GARNL3: variants seen among roughly 807,000 people sequenced by gnomAD.
GARNL3 encodes GTPase-activating Rap/Ran-GAP domain-like protein 3.
Under a neutral mutation model 125.0 loss-of-function variants are expected in GARNL3, and 63 were observed. The ratio of observed to expected loss-of-function variants is 0.50; its 90% CI spans 0.41 to 0.62. The LOEUF (loss-of-function observed/expected upper bound fraction) is 0.62, where lower values mean the gene tolerates loss of function less well. GARNL3 is among the 20% of genes least tolerant of loss of function. The pLI, the probability that GARNL3 is intolerant of heterozygous loss-of-function variation, is 0.00. For synonymous variants in GARNL3, 439 were observed against 457.5 expected, an observed-to-expected ratio of 0.96 and a Z score of 0.52; for missense variants, 994 against 1,244.0, an observed-to-expected ratio of 0.80 and a Z score of 3.02.
At chr9:127,369,712 C>T (rs945149659) in intron 22 of GARNL3, among the ~76,000 whole-genome samples, 1 of 152,172 alleles carries the variant, frequency 6.6e-6, no homozygotes, top group African/African-American at 2.4e-5. Context: ...AGAAAGCAGA[C>T]TGGGAGCACA....
chr9:127,299,985 T>A (rs1335013509), intron 2 of GARNL3: 1 of 204,068 alleles, frequency 4.9e-6, no homozygotes, highest in African/African-American at 2.3e-5. Context: ...ATTACAGGCA[T>A]GAGCCACCAT....
intron 20 of GARNL3, chr9:127,356,323 T>A (rs1192678244): frequency 2.0e-5 from 3 of 152,202 alleles, no homozygotes; most frequent in African/African-American, 7.2e-5. Context: ...GCTTTCCTGC[T>A]TGCCTCAGTC....
At chr9:127,358,641 C>A (rs117217929) in intron 21 of GARNL3, among the ~76,000 whole-genome samples, 502 of 152,248 alleles carry the variant, frequency 3.3e-3, no homozygotes, top group Middle Eastern at 0.014. Context: ...GATTAGGAGA[C>A]CTTCTTGTCT....
chr9:127,281,240 G>A (rs1183271461), intron 1 of GARNL3, among the ~76,000 whole-genome samples: 2 of 152,112 alleles, frequency 1.3e-5, no homozygotes, highest in Non-Finnish European at 2.9e-5. Flanking sequence ...AGGAGAGGAT[G>A]CTGTTGGAGT....
intron 5 of GARNL3, among the ~76,000 whole-genome samples, chr9:127,319,234 C>T (rs1198565837): frequency 6.6e-6 from 1 of 152,178 alleles, no homozygotes; most frequent in Non-Finnish European, 1.5e-5. Context: ...CCTGTAATCT[C>T]AGCACTTTGG....
intron 1 of GARNL3, among the ~76,000 whole-genome samples, chr9:127,285,722 T>C (rs1356801347): frequency 6.6e-6 from 1 of 152,210 alleles, no homozygotes; most frequent in African/African-American, 2.4e-5. Flanking sequence ...ATTTTGGAGA[T>C]GGGTGGTTCT....
chr9:127,231,040 A>ATTTTTTT (rs1376359454), intron 1 of GARNL3, among the ~76,000 whole-genome samples: 2 of 46,362 alleles, frequency 4.3e-5, no homozygotes, highest in Non-Finnish European at 3.8e-5. Flanking sequence ...ATATACATAT[A>ATTTTTTT]TATATATATA....
chr9:127,275,035 C>T (rs1232152053), intron 1 of GARNL3, among the ~76,000 whole-genome samples: 1 of 152,182 alleles, frequency 6.6e-6, no homozygotes, highest in Non-Finnish European at 1.5e-5. Flanking sequence ...AGACCAGGCT[C>T]AGCAGTGTGC....
intron 2 of GARNL3, among the ~76,000 whole-genome samples, chr9:127,254,049 G>T (rs1429569296): frequency 3.3e-5 from 5 of 152,166 alleles, no homozygotes; most frequent in Non-Finnish European, 7.3e-5. Flanking sequence ...TTGTAGAAAA[G>T]ATACCTTTCA....
chr9:127,351,024 A>G (rs148600402), intron 17 of GARNL3, among the ~76,000 whole-genome samples: 1 of 152,216 alleles, frequency 6.6e-6, no homozygotes, highest in African/African-American at 2.4e-5. Flanking sequence ...ACTACATTAT[A>G]TTAAACTCTA....
At chr9:127,338,500 T>A (rs1829675731) in intron 12 of GARNL3, among the ~76,000 whole-genome samples, 1 of 152,254 alleles carries the variant, frequency 6.6e-6, no homozygotes, top group African/African-American at 2.4e-5. Flanking sequence ...AAAGGTATTA[T>A]GTTGTAAAAA....
chr9:127,292,830 G>A (rs1015453900), intron 2 of GARNL3, among the ~76,000 whole-genome samples: 1 of 152,204 alleles, frequency 6.6e-6, no homozygotes, highest in Non-Finnish European at 1.5e-5. Flanking sequence ...ATCAGGAGTG[G>A]CTTAAGAGTC....
intron 4 of GARNL3, 122 bp downstream of exon 4, chr9:127,313,681 CCT>C: frequency 1.3e-6 from 1 of 742,670 alleles, no homozygotes; most frequent in Non-Finnish European, 2.4e-6. Context: ...TCGTGATTCA[CCT>C]CTGAGAAGTT....
intron 2 of GARNL3, among the ~76,000 whole-genome samples, chr9:127,304,530 C>CTTTTTTTTTT (rs61493807): frequency 1.9e-4 from 19 of 99,214 alleles, no homozygotes; most frequent in African/African-American, 3.8e-4. Context: ...TGGCTTTATT[C>CTTTTTTTTTT]TTTTTTTTTT....
At chr9:127,323,229 C>T (rs1486540261) in intron 6 of GARNL3, among the ~76,000 whole-genome samples, 1 of 152,016 alleles carries the variant, frequency 6.6e-6, no homozygotes, top group African/African-American at 2.4e-5. Context: ...TAGAAAGCAG[C>T]AAAAAAGAGG....
intron 2 of GARNL3, among the ~76,000 whole-genome samples, chr9:127,251,062 T>C (rs918047688): frequency 2.0e-5 from 3 of 152,178 alleles, no homozygotes; most frequent in African/African-American, 4.8e-5. Flanking sequence ...GCTAACCTCA[T>C]CTCAAAGTAC....
At chr9:127,342,385 A>G in intron 14 of GARNL3, 51 bp downstream of exon 14, 7 of 1,202,148 alleles carry the variant, frequency 5.8e-6, no homozygotes, top group Non-Finnish European at 7.4e-6. Context: ...CTGAGTTGAG[A>G]ACACAAGTCC....
intron 2 of GARNL3, among the ~76,000 whole-genome samples, chr9:127,303,727 A>G (rs1338405936): frequency 6.6e-6 from 1 of 152,216 alleles, no homozygotes; most frequent in African/African-American, 2.4e-5. Flanking sequence ...GAGTTTCTGT[A>G]TTTTGTGGAT....
At chr9:127,264,638 G>A, upstream of GARNL3, 1 of 1,145,678 alleles carries the variant, frequency 8.7e-7, no homozygotes, top group Non-Finnish European at 1.1e-6. Context: ...TGGTTATACA[G>A]AAATGAAATT....
Sources: allele counts gnomAD v4.1 joint callset (sites outside exome capture counted in the v4.1 genomes callset), GRCh38; gene constraint gnomAD v4.1.1; transcripts MANE v1.5; gene names NCBI Gene and HGNC (gene_info 2026-07-23, HGNC 2026-07-21).